BRINP3: variants seen among roughly 807,000 people sequenced by gnomAD.
The protein encoded by BRINP3 is BMP/retinoic acid-inducible neural-specific protein 3.
In BRINP3, 19 loss-of-function variants were observed where a neutral mutation model predicts 71.0. The ratio of observed to expected loss-of-function variants is 0.27; its 90% CI spans 0.19 to 0.39. BRINP3 has a LOEUF of 0.39. Ranked by LOEUF, BRINP3 falls within the 10% of genes least tolerant of loss-of-function variation. BRINP3 has a pLI of 1.00. For missense variants in BRINP3, 959 were observed against 940.8 expected (o/e 1.02, Z -0.25); for synonymous variants, 380 against 337.7 (o/e 1.13, Z -1.37).
intron 7 of BRINP3, among the ~76,000 whole-genome samples, chr1:190,102,352 C>T (rs190438969): frequency 1.3e-5 from 2 of 152,206 alleles, no homozygotes; most frequent in East Asian, 3.9e-4. Flanking sequence ...AATGTCCTAA[C>T]AATTCAAAAT....
chr1:190,168,603 C>A (rs1452921825), intron 6 of BRINP3, among the ~76,000 whole-genome samples: 1 of 152,080 alleles, frequency 6.6e-6, no homozygotes, highest in East Asian at 1.9e-4. Context: ...GGAGTAAGAT[C>A]AATTAAGACA....
intron 2 of BRINP3, among the ~76,000 whole-genome samples, chr1:190,350,925 C>A (rs151304870): frequency 6.6e-6 from 1 of 151,242 alleles, no homozygotes; most frequent in Admixed American, 6.6e-5. Context: ...CATGTTGAAG[C>A]GGTTCTCCTG....
intron 2 of BRINP3, among the ~76,000 whole-genome samples, chr1:190,313,732 T>C (rs530015870): frequency 6.6e-6 from 1 of 152,070 alleles, no homozygotes; most frequent in South Asian, 2.1e-4. Context: ...ATATTTCAAA[T>C]GAGAAAACTA....
chr1:190,302,314 A>G (rs1008350893), intron 2 of BRINP3, among the ~76,000 whole-genome samples: 9 of 148,734 alleles, frequency 6.1e-5, no homozygotes, highest in African/African-American at 2.2e-4. Flanking sequence ...AATGTTGTAG[A>G]AGTTGTCAAA....
intron 2 of BRINP3, among the ~76,000 whole-genome samples, chr1:190,316,655 G>A (rs1399814390): frequency 1.3e-5 from 2 of 151,946 alleles, no homozygotes; most frequent in African/African-American, 2.4e-5. Context: ...TAATGCATAA[G>A]GGTTGCAGAG....
At chr1:190,310,516 A>G (rs1665442080) in intron 2 of BRINP3, among the ~76,000 whole-genome samples, 1 of 151,782 alleles carries the variant, frequency 6.6e-6, no homozygotes, top group African/African-American at 2.4e-5. Flanking sequence ...AAAAAATATG[A>G]TAGATTATGT....
chr1:190,467,055 C>G (rs552412923), intron 1 of BRINP3, among the ~76,000 whole-genome samples: 4 of 151,532 alleles, frequency 2.6e-5, no homozygotes, highest in South Asian at 2.1e-4. Context: ...CTCCATTTCT[C>G]TTTAATAGTT....
chr1:190,178,112 C>T (rs895165126), intron 6 of BRINP3, among the ~76,000 whole-genome samples: 1 of 152,054 alleles, frequency 6.6e-6, no homozygotes. Context: ...CCTGGAACCC[C>T]TGGATACCAA....
chr1:190,442,654 G>A (rs1413532577), intron 2 of BRINP3, among the ~76,000 whole-genome samples: 2 of 151,740 alleles, frequency 1.3e-5, no homozygotes, highest in Admixed American at 6.6e-5. Context: ...AGGTACTTAC[G>A]TGTGTGTGTG....
chr1:190,322,445 T>A (rs1213168289), intron 2 of BRINP3, among the ~76,000 whole-genome samples: 1 of 152,048 alleles, frequency 6.6e-6, no homozygotes, highest in Admixed American at 6.6e-5. Context: ...ATGTAGAATA[T>A]TTCTCACTTG....
At chr1:190,231,916 T>C (rs1386729712) in intron 5 of BRINP3, among the ~76,000 whole-genome samples, 2 of 151,944 alleles carry the variant, frequency 1.3e-5, no homozygotes, top group Non-Finnish European at 2.9e-5. Flanking sequence ...TTAGATACAA[T>C]TCCACTTCAG....
chr1:190,176,296 G>A (rs1652501829), intron 6 of BRINP3, among the ~76,000 whole-genome samples: 1 of 152,150 alleles, frequency 6.6e-6, no homozygotes, highest in South Asian at 2.1e-4. Flanking sequence ...GGGCTAGTAT[G>A]TTAATCAATT....
At chr1:190,344,323 C>A (rs1312205719) in intron 2 of BRINP3, among the ~76,000 whole-genome samples, 1 of 151,768 alleles carries the variant, frequency 6.6e-6, no homozygotes, top group Non-Finnish European at 1.5e-5. Flanking sequence ...TAGAGAGAGG[C>A]TGAGTAAATT....
At chr1:190,464,526 A>C (rs1467401341) in intron 1 of BRINP3, among the ~76,000 whole-genome samples, 5 of 151,944 alleles carry the variant, frequency 3.3e-5, no homozygotes, top group Non-Finnish European at 7.4e-5. Context: ...CCTACTACGT[A>C]ATGCACTGTC....
At chr1:190,365,326 G>C (rs544122475) in intron 2 of BRINP3, among the ~76,000 whole-genome samples, 1 of 151,786 alleles carries the variant, frequency 6.6e-6, no homozygotes, top group South Asian at 2.1e-4. Context: ...CCATTCCGTT[G>C]TATGCACATT....
chr1:190,345,347 CA>C (rs1667946425), intron 2 of BRINP3, among the ~76,000 whole-genome samples: 1 of 151,598 alleles, frequency 6.6e-6, no homozygotes, highest in Non-Finnish European at 1.5e-5. Context: ...GAAATTGAAG[CA>C]ATAGTTTAGA....
intron 2 of BRINP3, among the ~76,000 whole-genome samples, chr1:190,324,561 A>T (rs555918107): frequency 3.9e-5 from 6 of 152,120 alleles, no homozygotes; most frequent in Non-Finnish European, 8.8e-5. Flanking sequence ...ATGATGACCA[A>T]TATTGCTCTG....
chr1:190,125,266 T>A (rs901762720), intron 7 of BRINP3, among the ~76,000 whole-genome samples: 1 of 151,846 alleles, frequency 6.6e-6, no homozygotes, highest in Non-Finnish European at 1.5e-5. Flanking sequence ...CATGTCTATA[T>A]ATGCCTATAT....
intron 2 of BRINP3, among the ~76,000 whole-genome samples, chr1:190,419,538 TAAAAC>T (rs1271344185): frequency 6.6e-6 from 1 of 151,962 alleles, no homozygotes; most frequent in Non-Finnish European, 1.5e-5. Flanking sequence ...ATATTTGAAA[TAAAAC>T]TAAACTGAGG....
Sources: gnomAD v4.1 joint callset for allele counts (sites outside exome capture counted in the v4.1 genomes callset) on GRCh38, gnomAD v4.1.1 for gene constraint, MANE v1.5 for transcripts, NCBI Gene and HGNC (gene_info 2026-07-23, HGNC 2026-07-21) for gene names.